The following FBXO34 variants were observed in gnomAD, a reference collection of about 807,000 sequenced individuals.
FBXO34 encodes F-box protein 34.
FBXO34 carries 12 observed loss-of-function variants against 24.5 expected under a neutral mutation model. The ratio of observed to expected loss-of-function variants is 0.49; its 90% confidence interval spans 0.31 to 0.79. The LOEUF is 0.79. Among genes scored for constraint, FBXO34 ranks in the 30% least tolerant of loss-of-function variants. The pLI, the probability that FBXO34 is intolerant of heterozygous loss-of-function variation, is 0.04. For synonymous variants in FBXO34, 320 were observed against 311.9 expected (o/e 1.03, Z -0.27); for missense variants, 823 against 857.7 (o/e 0.96, Z 0.51).
the FBXO34 span, among the ~76,000 whole-genome samples, chr14:55,437,458 T>C: frequency 6.6e-6 from 1 of 152,202 alleles, no homozygotes; most frequent in African/African-American, 2.4e-5. Context: ...AGCCTGGGTA[T>C]CAGAGCGAGA....
At chr14:55,366,953 T>C (rs944919921) in intron 2 of FBXO34, 5 of 152,632 alleles carry the variant, frequency 3.3e-5, no homozygotes, top group Admixed American at 2.6e-4. Context: ...ACCCAAAATA[T>C]TTCAGCAGTG....
the FBXO34 span, among the ~76,000 whole-genome samples, chr14:55,381,590 T>C: frequency 6.6e-6 from 1 of 152,238 alleles, no homozygotes; most frequent in East Asian, 1.9e-4. Flanking sequence ...AACACTAATA[T>C]ATACTATCAT....
At chr14:55,323,023 A>ACAAAAAAAAAC (rs1384609998) in intron 1 of FBXO34, among the ~76,000 whole-genome samples, 35,185 of 127,644 alleles carry the variant, frequency 0.28, 5,794 homozygotes, top group Non-Finnish European at 0.33. Flanking sequence ...AATACAAAAA[A>ACAAAAAAAAAC]AAAAAAAAAA....
chr14:55,381,452 C>T, the FBXO34 span, among the ~76,000 whole-genome samples: 1 of 152,098 alleles, frequency 6.6e-6, no homozygotes, highest in African/African-American at 2.4e-5. Flanking sequence ...CTTACATAAA[C>T]AAGACAATAT....
At chr14:55,281,204 T>C (rs1198913438) in intron 1 of FBXO34, among the ~76,000 whole-genome samples, 2 of 145,554 alleles carry the variant, frequency 1.4e-5, no homozygotes, top group African/African-American at 5.2e-5. Flanking sequence ...TGGTGAGCTA[T>C]GATCGTGCCA....
chr14:55,302,647 T>C (rs1427040491), intron 1 of FBXO34, among the ~76,000 whole-genome samples: 1 of 150,728 alleles, frequency 6.6e-6, no homozygotes, highest in Admixed American at 6.7e-5. Context: ...TTTTCAAGCC[T>C]TTTAAACTCT....
chr14:55,413,667 C>T, the FBXO34 span: 3 of 370,976 alleles, frequency 8.1e-6, no homozygotes, highest in East Asian at 1.3e-4. Context: ...TCAGACACCT[C>T]TCCCTTTGAC....
chr14:55,370,912 A>ATTAC (rs1884802000), downstream of FBXO34, among the ~76,000 whole-genome samples: 1 of 152,088 alleles, frequency 6.6e-6, no homozygotes, highest in Admixed American at 6.6e-5. Flanking sequence ...AAACGCTGAG[A>ATTAC]TTACAGTTGT....
At chr14:55,387,260 C>T in the FBXO34 span, among the ~76,000 whole-genome samples, 1 of 152,194 alleles carries the variant, frequency 6.6e-6, no homozygotes. Flanking sequence ...CCTCTGCACA[C>T]CCTTCGCTCT....
At chr14:55,371,621 A>G (rs184348035), downstream of FBXO34, among the ~76,000 whole-genome samples, 39 of 152,128 alleles carry the variant, frequency 2.6e-4, no homozygotes, top group African/African-American at 8.0e-4. Context: ...TGGCTAACAC[A>G]GTGAAACCCT....
At chr14:55,422,679 C>T in the FBXO34 span, among the ~76,000 whole-genome samples, 267 of 152,204 alleles carry the variant, frequency 1.8e-3, no homozygotes, top group Middle Eastern at 6.8e-3. Flanking sequence ...TGGCAAAACC[C>T]CATCTCTTCG....
the FBXO34 span, chr14:55,380,528 G>A: frequency 7.8e-7 from 1 of 1,276,960 alleles, no homozygotes; most frequent in Non-Finnish European, 1.1e-6. Flanking sequence ...ATAGAAACTT[G>A]AAAGAGCCAT....
chr14:55,415,870 TAAAA>T, the FBXO34 span, among the ~76,000 whole-genome samples: 1 of 151,664 alleles, frequency 6.6e-6, no homozygotes. Context: ...TGTCTCAAAA[TAAAA>T]AAATGTATGG....
the FBXO34 span, among the ~76,000 whole-genome samples, chr14:55,417,425 C>A: frequency 1.4e-5 from 2 of 140,296 alleles, no homozygotes; most frequent in African/African-American, 2.7e-5. Flanking sequence ...ATTTGTAATA[C>A]CAGGCTCCAA....
chr14:55,436,548 A>C, the FBXO34 span: 5 of 1,609,114 alleles, frequency 3.1e-6, no homozygotes. Context: ...TTAAAACAAA[A>C]ATAAAAACTT....
At chr14:55,434,350 G>C in the FBXO34 span, among the ~76,000 whole-genome samples, 1,542 of 152,276 alleles carry the variant, frequency 0.01, 11 homozygotes, top group Non-Finnish European at 0.016. Flanking sequence ...ACTCGTGAGG[G>C]TAGGGAACCT....
At chr14:55,429,292 GACCAGCAGCTTC>G in the FBXO34 span, among the ~76,000 whole-genome samples, 1 of 152,244 alleles carries the variant, frequency 6.6e-6, no homozygotes, top group Admixed American at 6.5e-5. Context: ...TGTGTCCCCA[GACCAGCAGCTTC>G]ACCTGGGAAC....
chr14:55,302,743 A>G (rs759585489), intron 1 of FBXO34, among the ~76,000 whole-genome samples: 1 of 152,202 alleles, frequency 6.6e-6, no homozygotes, highest in African/African-American at 2.4e-5. Flanking sequence ...CTTACTAGAT[A>G]CAGAAACAAG....
the FBXO34 span, among the ~76,000 whole-genome samples, chr14:55,432,381 C>T: frequency 1.3e-5 from 2 of 151,020 alleles, no homozygotes; most frequent in Non-Finnish European, 2.9e-5. Flanking sequence ...CCACTGCACT[C>T]CATCCTGGAT....
Sources: gnomAD v4.1 joint callset for allele counts (sites outside exome capture counted in the v4.1 genomes callset) on GRCh38, gnomAD v4.1.1 for gene constraint, MANE v1.5 for transcripts, NCBI Gene and HGNC (gene_info 2026-07-23, HGNC 2026-07-21) for gene names.